Variants in SYTL5 observed in about 807,000 individuals in gnomAD.
SYTL5 encodes the protein synaptotagmin like 5, also known as synaptotagmin-like protein 5.
In SYTL5, 34 loss-of-function variants were observed where a neutral mutation model predicts 55.9. That is an observed-to-expected ratio of 0.61 (90% CI 0.46 to 0.81). The LOEUF (loss-of-function observed/expected upper bound fraction) is 0.81. Among genes scored for constraint, SYTL5 ranks in the 30% least tolerant of loss-of-function variants. The probability of loss-of-function intolerance (pLI) is 0.00; values close to 1 mark genes in which losing one functional copy is unlikely to be tolerated. For synonymous variants in SYTL5, 221 were observed against 188.7 expected (o/e 1.17, Z -1.40); for missense variants, 637 against 546.7 (o/e 1.17, Z -1.65).
At chrX:37,995,537 T>C in the SYTL5 span, among the ~76,000 whole-genome samples, 3 of 112,331 alleles carry the variant, frequency 2.7e-5, no homozygotes, top group Non-Finnish European at 3.8e-5. Context: ...CATTCCTAGC[T>C]TTAGCCCAGA....
intron 7 of SYTL5, among the ~76,000 whole-genome samples, chrX:38,090,110 T>C (rs991486): frequency 0.24 from 26,956 of 111,204 alleles, 3,050 homozygotes; most frequent in African/African-American, 0.42. Flanking sequence ...AAAGACCAGG[T>C]TCAAAGGTAG....
the SYTL5 span, among the ~76,000 whole-genome samples, chrX:37,941,023 T>C: frequency 8.9e-6 from 1 of 112,001 alleles, no homozygotes; most frequent in Non-Finnish European, 1.9e-5. Context: ...TATGAATCAG[T>C]GGTAGAATTA....
intron 2 of SYTL5, among the ~76,000 whole-genome samples, chrX:38,043,661 GTATATATATATATATA>G (rs35312093): frequency 4.0e-5 from 2 of 50,148 alleles, no homozygotes; most frequent in South Asian, 2.3e-3. Flanking sequence ...ATGTATGTAT[GTATATATATATATATA>G]TATATATATA....
At chrX:37,938,766 C>G in the SYTL5 span, among the ~76,000 whole-genome samples, 1 of 111,392 alleles carries the variant, frequency 9.0e-6, no homozygotes. Context: ...GAGCTTTTTC[C>G]CTTTTATCAG....
At chrX:37,991,414 G>T in the SYTL5 span, 20 of 573,457 alleles carry the variant, frequency 3.5e-5, no homozygotes, top group Non-Finnish European at 3.7e-5. Flanking sequence ...GCGGGGAAGG[G>T]GTGGCCAGTG....
chrX:37,980,514 A>T, the SYTL5 span, among the ~76,000 whole-genome samples: 2 of 112,586 alleles, frequency 1.8e-5, no homozygotes, highest in Admixed American at 9.4e-5. Flanking sequence ...ATAGCAAGGG[A>T]ATAAATGTTT....
At chrX:38,000,523 C>T in the SYTL5 span, among the ~76,000 whole-genome samples, 1 of 111,966 alleles carries the variant, frequency 8.9e-6, no homozygotes, top group African/African-American at 3.3e-5. Flanking sequence ...GGCTCTGACC[C>T]CATGGCGGTA....
chrX:38,007,805 A>G lies in SYTL5; in HGVS notation c.-357+1137A>G, dbSNP rs188063034. Among the ~76,000 whole-genome samples the G allele has an allele frequency of 2.5e-4, 28 of 111,612 alleles. No individual in the cohort carries two copies. In the East Asian group the frequency reaches 7.8e-3, roughly 31 times the overall value. ...TATATATGTACATACCCACATATACATGCATATTTACATGTGGGCAACTAA... is the reference window on the plus strand; with the variant it reads ...TATATATGTACATACCCACATATACGTGCATATTTACATGTGGGCAACTAA... On this transcript the variant is annotated intron_variant, in intron 1 of 16. Coordinates refer to ENST00000297875, the MANE Select transcript of SYTL5 (RefSeq NM_138780.3).
At chrX:38,073,448 A>T in intron 4 of SYTL5, 142 bp from the exon 5 acceptor site, 1 of 448,178 alleles carries the variant, frequency 2.2e-6, no homozygotes, top group Non-Finnish European at 3.9e-6. Flanking sequence ...TGACAGAAAA[A>T]CTTGGGATGG....
rs748703406 is a variant in SYTL5 at position 38,080,836 on chromosome X, G to A, written c.689+4135G>A. ...ATCTTTGCAATTAAGGTGCCAATTA[G>A]GTGGCAGCCTCTTACTAGAAATTTG... On this transcript the variant is annotated intron_variant, in intron 6 of 16. Transcript: ENST00000297875. 4.5e-5 allele frequency among the ~76,000 whole-genome samples: 5 copies of A among 111,618 alleles called. No homozygotes were observed. The East Asian group carries it at 1.4e-3, about 31-fold the overall frequency.
intron 6 of SYTL5, among the ~76,000 whole-genome samples, chrX:38,078,458 C>G (rs1936444719): frequency 9.1e-6 from 1 of 110,208 alleles, no homozygotes; most frequent in Non-Finnish European, 1.9e-5. Flanking sequence ...GACGGAGTTT[C>G]ACCGTGTTAG....
At chrX:38,020,747 T>C (rs1934527412) in intron 1 of SYTL5, among the ~76,000 whole-genome samples, 1 of 110,281 alleles carries the variant, frequency 9.1e-6, no homozygotes, top group African/African-American at 3.3e-5. Context: ...TCATTGAGAA[T>C]AGAAACGATG....
the SYTL5 span, among the ~76,000 whole-genome samples, chrX:37,991,938 G>T: frequency 8.0e-5 from 9 of 111,972 alleles, no homozygotes; most frequent in South Asian, 3.7e-4. Context: ...TCAGGACACT[G>T]GTAAAATAAA....
the SYTL5 span, among the ~76,000 whole-genome samples, chrX:37,948,396 C>T: frequency 9.1e-6 from 1 of 109,606 alleles, no homozygotes; most frequent in African/African-American, 3.3e-5. Context: ...TATATCATTT[C>T]AAGGAATATT....
At chrX:38,019,607 C>A (rs1312111357) in intron 1 of SYTL5, among the ~76,000 whole-genome samples, 1 of 111,620 alleles carries the variant, frequency 9.0e-6, no homozygotes, top group Non-Finnish European at 1.9e-5. Context: ...AGATCCAGCA[C>A]AGTTTCTTTT....
At chrX:37,951,105 T>C in the SYTL5 span, among the ~76,000 whole-genome samples, 1 of 110,757 alleles carries the variant, frequency 9.0e-6, no homozygotes, top group Admixed American at 9.7e-5. Flanking sequence ...AAAGTTTAGT[T>C]CACTATTATA....
At chrX:37,896,267 G>C in the SYTL5 span, among the ~76,000 whole-genome samples, 2 of 112,018 alleles carry the variant, frequency 1.8e-5, no homozygotes, top group Non-Finnish European at 3.8e-5. Context: ...CAAATGAATG[G>C]AGAGTCTTTT....
At chrX:37,973,727 C>T in the SYTL5 span, among the ~76,000 whole-genome samples, 1 of 110,156 alleles carries the variant, frequency 9.1e-6, no homozygotes, top group Admixed American at 9.7e-5. Context: ...CTCTGCCTCC[C>T]GGGTTCAAGT....
At chrX:37,998,492 G>A in the SYTL5 span, among the ~76,000 whole-genome samples, 75 of 111,923 alleles carry the variant, frequency 6.7e-4, no homozygotes, top group African/African-American at 2.3e-3. Flanking sequence ...GCCTCACAGA[G>A]AGCCGGCACC....
Sources: allele counts gnomAD v4.1 joint callset (sites outside exome capture counted in the v4.1 genomes callset), GRCh38; gene constraint gnomAD v4.1.1; transcripts MANE v1.5; gene names NCBI Gene and HGNC (gene_info 2026-07-23, HGNC 2026-07-21).